SLIT3: variants seen among roughly 807,000 people sequenced by gnomAD.
The protein encoded by SLIT3 is slit guidance ligand 3, also known as slit homolog 3 protein.
SLIT3 carries 68 observed loss-of-function variants against 184.0 expected under a neutral mutation model. That is an observed-to-expected ratio of 0.37 (90% CI 0.30 to 0.45). The LOEUF is 0.45. SLIT3 is among the 20% of genes least tolerant of loss of function. The probability of loss-of-function intolerance (pLI) is 1.00; values close to 1 mark genes in which losing one functional copy is unlikely to be tolerated. For missense variants in SLIT3, 1,707 were observed against 2,026.0 expected (o/e 0.84, Z 3.02); for synonymous variants, 831 against 828.6 (o/e 1.00, Z -0.05).
intron 4 of SLIT3, among the ~76,000 whole-genome samples, chr5:169,043,434 A>G (rs1757516968): frequency 1.3e-5 from 2 of 152,236 alleles, no homozygotes; most frequent in Non-Finnish European, 2.9e-5. Flanking sequence ...GACTTCCTTC[A>G]ATGATAAGAA....
intron 3 of SLIT3, among the ~76,000 whole-genome samples, chr5:169,234,310 C>T (rs143859440): frequency 6.6e-6 from 1 of 152,274 alleles, no homozygotes; most frequent in East Asian, 1.9e-4. Context: ...GAATTCCAGA[C>T]GCAGTCACAT....
intron 3 of SLIT3, among the ~76,000 whole-genome samples, chr5:169,211,034 C>A (rs533358818): frequency 6.6e-5 from 10 of 152,114 alleles, no homozygotes; most frequent in African/African-American, 1.4e-4. Context: ...CATTTGCCAT[C>A]AAAAAATATG....
At chr5:169,175,269 A>C (rs565202389) in intron 4 of SLIT3, among the ~76,000 whole-genome samples, 66 of 152,310 alleles carry the variant, frequency 4.3e-4, no homozygotes, top group Middle Eastern at 3.4e-3. Context: ...CCATTTACAC[A>C]GTGAATACTG....
At chr5:168,679,501 C>T (rs1056159252) in intron 32 of SLIT3, among the ~76,000 whole-genome samples, 1 of 152,166 alleles carries the variant, frequency 6.6e-6, no homozygotes, top group Non-Finnish European at 1.5e-5. Flanking sequence ...CTTTTTCCTC[C>T]ATTTTTCAAA....
chr5:168,916,009 A>C (rs917658813), intron 4 of SLIT3, among the ~76,000 whole-genome samples: 4 of 152,372 alleles, frequency 2.6e-5, no homozygotes, highest in Non-Finnish European at 4.4e-5. Context: ...GTACATGTGC[A>C]CAACGTGCAG....
intron 4 of SLIT3, among the ~76,000 whole-genome samples, chr5:168,939,207 C>T (rs897975838): frequency 6.6e-5 from 10 of 152,170 alleles, no homozygotes; most frequent in Admixed American, 2.0e-4. Flanking sequence ...TGTGGGTCAG[C>T]GCTATGATTG....
At chr5:168,710,537 G>T (rs1333714494) in intron 25 of SLIT3, among the ~76,000 whole-genome samples, 1 of 152,080 alleles carries the variant, frequency 6.6e-6, no homozygotes, top group East Asian at 1.9e-4. Context: ...GCCAAAACAG[G>T]AGGATCGTTG....
chr5:169,186,614 C>G (rs1488995087), intron 4 of SLIT3, among the ~76,000 whole-genome samples: 1 of 152,204 alleles, frequency 6.6e-6, no homozygotes, highest in Non-Finnish European at 1.5e-5. Context: ...TCCCAAGTTT[C>G]TGATCCTTGC....
chr5:169,200,928 G>T (rs151283699), intron 3 of SLIT3, among the ~76,000 whole-genome samples: 338 of 152,326 alleles, frequency 2.2e-3, no homozygotes, highest in Non-Finnish European at 3.8e-3. Context: ...CCATATGTGG[G>T]GCAGGAAAGT....
chr5:168,942,158 G>A (rs910188201), intron 4 of SLIT3, among the ~76,000 whole-genome samples: 1 of 152,186 alleles, frequency 6.6e-6, no homozygotes, highest in Non-Finnish European at 1.5e-5. Context: ...CTGGGCCAAT[G>A]AGAATAAGCT....
chr5:168,877,335 A>C (rs1417112080), intron 5 of SLIT3, among the ~76,000 whole-genome samples: 1 of 152,132 alleles, frequency 6.6e-6, no homozygotes, highest in African/African-American at 2.4e-5. Flanking sequence ...TCTTATGTTA[A>C]GGGAGCAGCA....
chr5:169,086,572 CCTTGA>C (rs2094484089), intron 4 of SLIT3, among the ~76,000 whole-genome samples: 1 of 151,964 alleles, frequency 6.6e-6, no homozygotes, highest in Non-Finnish European at 1.5e-5. Context: ...GTATTTTTTT[CCTTGA>C]CTTCACTACA....
intron 1 of SLIT3, among the ~76,000 whole-genome samples, chr5:169,259,564 T>C (rs943602982): frequency 2.6e-4 from 39 of 152,208 alleles, no homozygotes; most frequent in Admixed American, 2.3e-3. Flanking sequence ...ACTGAGTATT[T>C]ACAGAATACT....
intron 25 of SLIT3, 129 bp from the exon 26 acceptor site, chr5:168,708,229 G>T (rs1017505534): frequency 5.4e-6 from 7 of 1,293,302 alleles, no homozygotes; most frequent in Non-Finnish European, 6.5e-6. Flanking sequence ...CCAGATGGCA[G>T]CTGGCTCTCC....
intron 4 of SLIT3, among the ~76,000 whole-genome samples, chr5:168,900,781 T>C (rs1406295522): frequency 2.6e-5 from 4 of 152,200 alleles, no homozygotes; most frequent in Non-Finnish European, 5.9e-5. Flanking sequence ...TATTCAGCCA[T>C]AAAAACGAAT....
chr5:168,820,349 G>A lies in SLIT3; in HGVS notation c.630-2886C>T, dbSNP rs193030102. ...CTCAGGCTGTGATGGCAAACTGCCT[G>A]AGTCTGACACTGGCTCCGTGCTTTC... On this transcript the variant is annotated intron_variant, in intron 7 of 35. Coordinates refer to ENST00000519560, the MANE Select transcript of SLIT3 (RefSeq NM_003062.4). 3.9e-5 allele frequency among the ~76,000 whole-genome samples: 6 copies of A among 152,288 alleles called. No homozygotes were observed. In the East Asian group the frequency reaches 9.7e-4, roughly 25 times the overall value.
At chr5:169,002,039 T>C (rs1018818620) in intron 4 of SLIT3, among the ~76,000 whole-genome samples, 1 of 151,832 alleles carries the variant, frequency 6.6e-6, no homozygotes, top group Non-Finnish European at 1.5e-5. Context: ...ATGTGGCTGG[T>C]GTGGTGGTTC....
intron 5 of SLIT3, among the ~76,000 whole-genome samples, chr5:168,871,880 T>TTGACTCCAGGCAGCC (rs1325358143): frequency 6.6e-6 from 1 of 152,202 alleles, no homozygotes; most frequent in African/African-American, 2.4e-5. Flanking sequence ...GAACCAGGAT[T>TTGACTCCAGGCAGCC]TGACTCCAGG....
chr5:168,721,190 A>G (rs1011112241), intron 23 of SLIT3, among the ~76,000 whole-genome samples: 3 of 152,158 alleles, frequency 2.0e-5, no homozygotes, highest in Non-Finnish European at 2.9e-5. Context: ...TGTTTTCATG[A>G]ATAGCATTCA....
Sources: allele counts gnomAD v4.1 joint callset (sites outside exome capture counted in the v4.1 genomes callset), GRCh38; gene constraint gnomAD v4.1.1; transcripts MANE v1.5; gene names NCBI Gene and HGNC (gene_info 2026-07-23, HGNC 2026-07-21).